The following CNOT4 variants were observed in gnomAD, a reference collection of about 807,000 sequenced individuals.
CNOT4 encodes the protein CCR4-associated factor 4.
In CNOT4, 8 loss-of-function variants were observed where a neutral mutation model predicts 73.8. That is an observed-to-expected ratio of 0.11 (90% CI 0.06 to 0.20). The LOEUF (loss-of-function observed/expected upper bound fraction) is 0.20, where lower values mean the gene tolerates loss of function less well. Ranked by LOEUF, CNOT4 falls within the 10% of genes least tolerant of loss-of-function variation. CNOT4 has a pLI of 1.00. For synonymous variants in CNOT4, 293 were observed against 321.1 expected, an observed-to-expected ratio of 0.91 and a Z score of 0.94; for missense variants, 564 against 883.4, an observed-to-expected ratio of 0.64 and a Z score of 4.58.
intron 1 of CNOT4, among the ~76,000 whole-genome samples, chr7:135,484,564 T>G (rs1445655670): frequency 6.6e-6 from 1 of 152,174 alleles, no homozygotes; most frequent in Non-Finnish European, 1.5e-5. Flanking sequence ...GCGACCAGCC[T>G]GGCCAACATG....
At chr7:135,464,798 AGTCT>A (rs1801116973) in intron 1 of CNOT4, among the ~76,000 whole-genome samples, 1 of 151,992 alleles carries the variant, frequency 6.6e-6, no homozygotes, top group African/African-American at 2.4e-5. Context: ...CTAAAATTTA[AGTCT>A]GTCACCATTC....
At chr7:135,376,506 T>C (rs546955567) in intron 10 of CNOT4, among the ~76,000 whole-genome samples, 1 of 152,292 alleles carries the variant, frequency 6.6e-6, no homozygotes, top group South Asian at 2.1e-4. Flanking sequence ...GGGGCAGAAG[T>C]CTCTCTTCAG....
At position 135,372,553 on chromosome 7, in the gene CNOT4, ATG is replaced by A. The variant is rs970794131; in HGVS notation, c.1628-8489_1628-8488del. The stretch of plus-strand genomic sequence containing the variant: ...CATATAACCCTGAACGTTTGCTACC[ATG>A]TTTTTTTTTTTTTTTTTTGGAGACG... On this transcript the variant is annotated intron_variant, in intron 10 of 11. Coordinates refer to ENST00000541284, the MANE Select transcript of CNOT4 (RefSeq NM_001190850.2). 2.0e-4 allele frequency among the ~76,000 whole-genome samples: 26 copies of A among 132,770 alleles called. 1 individual carries two copies. Among genetic ancestry groups the A allele is most frequent in the Non-Finnish European group, 2.1e-4 (13 of 61,588 alleles). 87.1% of individuals were successfully genotyped at this position (132,770 alleles called of 152,430 possible). A position where few individuals can be genotyped will look rare whatever the true frequency, so the allele number is the denominator to read the frequency against.
intron 10 of CNOT4, chr7:135,388,156 T>C: frequency 4.1e-6 from 4 of 985,276 alleles, no homozygotes; most frequent in Non-Finnish European, 4.8e-6. Flanking sequence ...AATAATTATC[T>C]TTTAACCATC....
chr7:135,465,880 T>C (rs924353014), intron 1 of CNOT4, among the ~76,000 whole-genome samples: 10 of 151,824 alleles, frequency 6.6e-5, no homozygotes, highest in African/African-American at 2.2e-4. Flanking sequence ...AAACCCCAGC[T>C]CTACTAAAAC....
chr7:135,452,918 G>A (rs1800267808), intron 1 of CNOT4, among the ~76,000 whole-genome samples: 1 of 152,176 alleles, frequency 6.6e-6, no homozygotes, highest in African/African-American at 2.4e-5. Context: ...TCGAAGCTGA[G>A]ACTAATTAGT....
chr7:135,374,212 T>C (rs1795390919), intron 10 of CNOT4, among the ~76,000 whole-genome samples: 2 of 152,114 alleles, frequency 1.3e-5, no homozygotes, highest in African/African-American at 4.8e-5. Flanking sequence ...TCTGTTCCCA[T>C]CCCACTGACT....
chr7:135,493,365 C>T (rs1803243459), intron 1 of CNOT4, among the ~76,000 whole-genome samples: 1 of 152,228 alleles, frequency 6.6e-6, no homozygotes, highest in South Asian at 2.1e-4. Flanking sequence ...TAGGACTCCC[C>T]ACTGATCCTT....
intron 1 of CNOT4, among the ~76,000 whole-genome samples, chr7:135,489,391 C>CTT (rs71174525): frequency 0.021 from 1,736 of 84,672 alleles, 3 homozygotes; most frequent in Middle Eastern, 0.045. Context: ...AGTCACATTT[C>CTT]TTTTTTTTTT....
intron 1 of CNOT4, among the ~76,000 whole-genome samples, chr7:135,440,329 CTTTT>C (rs538595282): frequency 7.3e-6 from 1 of 137,834 alleles, no homozygotes; most frequent in Non-Finnish European, 1.6e-5. Flanking sequence ...AGCCAGGTAA[CTTTT>C]TTTTTTTTTT....
intron 10 of CNOT4, chr7:135,384,449 T>C (rs1024715083): frequency 1.6e-4 from 71 of 451,280 alleles, no homozygotes; most frequent in Non-Finnish European, 2.5e-4. Flanking sequence ...CACGCCCAGC[T>C]AATTTTTTTG....
chr7:135,474,384 G>C (rs532869049), intron 1 of CNOT4, among the ~76,000 whole-genome samples: 14 of 143,762 alleles, frequency 9.7e-5, no homozygotes, highest in African/African-American at 3.7e-4. Flanking sequence ...TCCTGGGTTC[G>C]AGCAATTCTC....
chr7:135,424,041 ACAC>A (rs1798348607), intron 2 of CNOT4, among the ~76,000 whole-genome samples: 1 of 2,256 alleles, frequency 4.4e-4, no homozygotes, highest in Non-Finnish European at 1.2e-3. Flanking sequence ...AACAAACAAA[ACAC>A]ACACACACAC....
rs17168442 is a variant in CNOT4 at position 135,497,696 on chromosome 7, T to C, written c.-93+12193A>G. Among the ~76,000 whole-genome samples the C allele has an allele frequency of 6.2e-3, 952 of 152,340 alleles. 33 individuals carry two copies. In the East Asian group the frequency reaches 0.095, roughly 15 times the overall value. On this transcript the variant is annotated intron_variant, in intron 1 of 11. Transcript: ENST00000541284. ...TTCCCCTCTTATCAGCATCTAATTT[T>C]CTATGCCTTAGTTCAAAACACTTGA...
intron 2 of CNOT4, among the ~76,000 whole-genome samples, chr7:135,428,362 T>C (rs911085459): frequency 6.6e-6 from 1 of 152,054 alleles, no homozygotes; most frequent in Non-Finnish European, 1.5e-5. Context: ...TACAACAACA[T>C]GAGCAACAAT....
chr7:135,393,698 A>G (rs1429940696), intron 10 of CNOT4, among the ~76,000 whole-genome samples: 1 of 152,190 alleles, frequency 6.6e-6, no homozygotes, highest in Non-Finnish European at 1.5e-5. Context: ...AAATGCTTCC[A>G]AACAATAACT....
At chr7:135,396,384 T>A (rs1796694176) in intron 8 of CNOT4, among the ~76,000 whole-genome samples, 1 of 152,188 alleles carries the variant, frequency 6.6e-6, no homozygotes, top group Non-Finnish European at 1.5e-5. Flanking sequence ...CCCAAAGTGC[T>A]GGAATTACAG....
intron 10 of CNOT4, chr7:135,388,808 T>C (rs768054630): frequency 6.2e-7 from 1 of 1,612,922 alleles, no homozygotes; most frequent in Non-Finnish European, 8.5e-7. Context: ...GCCACAGTAG[T>C]GTGGAGACTT....
In CNOT4 at chr7:135,395,529, CAG is replaced by C. The variant is rs1314054812; in HGVS notation, c.1129+103_1129+104del. On this transcript the variant is annotated intron_variant, in intron 9 of 11. Coordinates refer to ENST00000541284, the MANE Select transcript of CNOT4 (RefSeq NM_001190850.2). ...TATTTGCATTTTTATTAAAAGAGAA[CAG>C]AGAGGCAAAAGATAAAAATATATCC... 12 of 1,283,616 alleles carry C rather than the reference CAG, an allele frequency of 9.3e-6. 1 individual carries two copies. In the Admixed American group the frequency reaches 2.5e-4, roughly 27 times the overall value. The allele number at this position is 1,283,616 out of a possible 1,614,324, so 79.5% of individuals were successfully genotyped here. A position where few individuals can be genotyped will look rare whatever the true frequency, so the allele number is the denominator to read the frequency against.
Sources: allele counts gnomAD v4.1 joint callset (sites outside exome capture counted in the v4.1 genomes callset), GRCh38; gene constraint gnomAD v4.1.1; transcripts MANE v1.5; gene names NCBI Gene and HGNC (gene_info 2026-07-23, HGNC 2026-07-21).